DHRSX: variants seen among roughly 807,000 people sequenced by gnomAD.
DHRSX encodes dehydrogenase/reductase X-linked.
In DHRSX, 31 loss-of-function variants were observed where a neutral mutation model predicts 34.0. The observed-to-expected ratio is 0.91, with a 90% confidence interval of 0.69 to 1.23. The LOEUF (loss-of-function observed/expected upper bound fraction) is 1.23, where lower values mean the gene tolerates loss of function less well. DHRSX is among the 50% of genes most tolerant of loss of function. The probability of loss-of-function intolerance (pLI) is 0.00; values close to 1 mark genes in which losing one functional copy is unlikely to be tolerated. For synonymous variants in DHRSX, 201 were observed against 183.8 expected, an observed-to-expected ratio of 1.09 and a Z score of -0.76; for missense variants, 414 against 428.1, an observed-to-expected ratio of 0.97 and a Z score of 0.29.
At chrX:2,282,838 AAG>A (rs2041741233) in intron 4 of DHRSX, among the ~76,000 whole-genome samples, 1 of 114,936 alleles carries the variant, frequency 8.7e-6, no homozygotes, top group Non-Finnish European at 1.8e-5. Context: ...GAGAGGGAGA[AAG>A]GGAGAGAGAG....
At chrX:2,285,759 C>T (rs2041797612) in intron 4 of DHRSX, among the ~76,000 whole-genome samples, 1 of 152,142 alleles carries the variant, frequency 6.6e-6, no homozygotes, top group South Asian at 2.1e-4. Context: ...AAGTTGACAC[C>T]AGCAATATCC....
At chrX:2,238,331 T>G (rs112336062) in intron 6 of DHRSX, among the ~76,000 whole-genome samples, 20,626 of 152,128 alleles carry the variant, frequency 0.14, 1,885 homozygotes, top group Non-Finnish European at 0.19. Context: ...CACTCCAGCC[T>G]GGGTGACAGG....
intron 6 of DHRSX, among the ~76,000 whole-genome samples, chrX:2,232,580 T>A (rs759234102): frequency 4.0e-4 from 61 of 152,024 alleles, no homozygotes; most frequent in South Asian, 8.3e-4. Flanking sequence ...CATTTTTTTT[T>A]ATTTTTTATT....
At chrX:2,461,893 A>G (rs1002295281) in intron 1 of DHRSX, among the ~76,000 whole-genome samples, 3 of 151,934 alleles carry the variant, frequency 2.0e-5, no homozygotes, top group Non-Finnish European at 4.4e-5. Context: ...TGGCCATGTT[A>G]CCCAGGCTGG....
Position 2,408,801 on chromosome X carries a change from T to C in DHRSX, c.230A>G (p.Asp77Gly). Residue 77 changes from aspartate to glycine, a missense_variant, in exon 3 of 7, where the codon GAC becomes GGC. By Grantham distance (94) the Asp-to-Gly change is moderately conservative. Coordinates refer to ENST00000334651, the MANE Select transcript of DHRSX (RefSeq NM_145177.3). ...GCTTACAACTTGTTTGGCTTTGCTG[T>C]CATTATTTCCAGCTAAAAGGAAAAA... ...GMHVIIAGNN[D>G]SKAKQVVSKI... 6.2e-7 allele frequency: 1 copy of C among 1,612,344 alleles called. No individual in the cohort carries two copies. The highest frequency in any genetic ancestry group is 1.7e-5 in the Admixed American group (1 of 59,804).
At chrX:2,339,144 A>T (rs747946718) in intron 3 of DHRSX, among the ~76,000 whole-genome samples, 1 of 151,580 alleles carries the variant, frequency 6.6e-6, no homozygotes, top group Admixed American at 6.6e-5. Flanking sequence ...AGTTCTTTTT[A>T]TTTTTTTCTG....
At chrX:2,416,647 C>T (rs1357208876) in intron 2 of DHRSX, among the ~76,000 whole-genome samples, 3 of 151,934 alleles carry the variant, frequency 2.0e-5, no homozygotes, top group African/African-American at 2.4e-5. Flanking sequence ...GTTTACCCAC[C>T]CCACTTTCAT....
intron 1 of DHRSX, among the ~76,000 whole-genome samples, chrX:2,442,590 G>C (rs1465851211): frequency 6.6e-6 from 1 of 151,806 alleles, no homozygotes; most frequent in South Asian, 2.1e-4. Flanking sequence ...ACGTGTCTTT[G>C]CAGTCCTGTG....
chrX:2,418,998 T>G (rs1569498971), intron 2 of DHRSX, among the ~76,000 whole-genome samples: 1 of 152,134 alleles, frequency 6.6e-6, no homozygotes, highest in Non-Finnish European at 1.5e-5. Context: ...GGTGCTCAAG[T>G]TCATAAGAAG....
chrX:2,245,617 GCT>G (rs1421770193), intron 5 of DHRSX, among the ~76,000 whole-genome samples: 1 of 149,858 alleles, frequency 6.7e-6, no homozygotes. Flanking sequence ...CCCCAACGTA[GCT>G]CTTACATATA....
intron 3 of DHRSX, among the ~76,000 whole-genome samples, chrX:2,322,217 C>G: frequency 6.6e-6 from 1 of 151,324 alleles, no homozygotes; most frequent in Middle Eastern, 3.4e-3. Flanking sequence ...TGAGAACATA[C>G]GATGTTGGTT....
rs201832423 is a variant in DHRSX, at chrX:2,385,103, AAT to A, written c.286+23640_286+23641del. ...GGCGACAGAGTGAGACTCCATCTCA[AAT>A]ATATATGTGTGTGTGTGTGTGTGTG... On this transcript the variant is annotated intron_variant, in intron 3 of 6. Coordinates refer to ENST00000334651, the MANE Select transcript of DHRSX (RefSeq NM_145177.3). Among the ~76,000 whole-genome samples, 362 of 79,408 alleles carry A rather than the reference AAT, an allele frequency of 4.6e-3. 2 individuals carry two copies. Among genetic ancestry groups the A allele is most frequent in the African/African-American group, 0.015 (318 of 21,338 alleles). 52.1% of individuals were successfully genotyped at this position (79,408 alleles called of 152,430 possible).
At chrX:2,302,095 T>C (rs73185776) in intron 3 of DHRSX, among the ~76,000 whole-genome samples, 24,531 of 152,076 alleles carry the variant, frequency 0.16, 2,663 homozygotes, top group Non-Finnish European at 0.23. Flanking sequence ...GTGGCTGATC[T>C]AGGACACTTT....
chrX:2,312,833 C>A (rs1474888608), intron 3 of DHRSX, among the ~76,000 whole-genome samples: 1 of 152,022 alleles, frequency 6.6e-6, no homozygotes, highest in Non-Finnish European at 1.5e-5. Context: ...TAAATTTCTT[C>A]CTGAGGGTCC....
At chrX:2,347,966 G>C (rs2042741645) in intron 3 of DHRSX, among the ~76,000 whole-genome samples, 1 of 152,100 alleles carries the variant, frequency 6.6e-6, no homozygotes, top group Admixed American at 6.6e-5. Flanking sequence ...TCACTATAGA[G>C]CTGCTGCCTC....
At chrX:2,495,628 C>A (rs1175049506) in intron 1 of DHRSX, among the ~76,000 whole-genome samples, 2 of 152,176 alleles carry the variant, frequency 1.3e-5, no homozygotes, top group African/African-American at 4.8e-5. Context: ...CACAGCAGAG[C>A]TGACCTTCTG....
chrX:2,270,829 G>A (rs1474206970), intron 4 of DHRSX, among the ~76,000 whole-genome samples: 1 of 152,092 alleles, frequency 6.6e-6, no homozygotes, highest in African/African-American at 2.4e-5. Context: ...CTCTAAAATG[G>A]ACCATTCAGC....
At chrX:2,324,465 C>T (rs369885674) in intron 3 of DHRSX, among the ~76,000 whole-genome samples, 1 of 152,156 alleles carries the variant, frequency 6.6e-6, no homozygotes, top group African/African-American at 2.4e-5. Context: ...CTCTTTCCAA[C>T]GTTGCCCTTG....
At chrX:2,385,383 G>A (rs986910584) in intron 3 of DHRSX, among the ~76,000 whole-genome samples, 7 of 152,058 alleles carry the variant, frequency 4.6e-5, no homozygotes, top group Non-Finnish European at 8.8e-5. Context: ...GAACCACCAA[G>A]AATGGAAAGA....
Sources: allele counts gnomAD v4.1 joint callset (sites outside exome capture counted in the v4.1 genomes callset), GRCh38; gene constraint gnomAD v4.1.1; transcripts MANE v1.5; gene names NCBI Gene and HGNC (gene_info 2026-07-23, HGNC 2026-07-21).